The following MUC3A variants were observed in gnomAD, a reference collection of about 807,000 sequenced individuals.
MUC3A encodes the protein mucin-3A.
Under a neutral mutation model 109.0 loss-of-function variants are expected in MUC3A, and 109 were observed. The observed-to-expected ratio is 1.00, with a 90% CI of 0.86 to 1.17. MUC3A has a LOEUF of 1.17. Ranked by LOEUF, MUC3A falls within the 50% of genes most tolerant of loss-of-function variation. The pLI is 0.00. For missense variants in MUC3A, 3,537 were observed against 2,469.4 expected, an observed-to-expected ratio of 1.43 and a Z score of -9.16; for synonymous variants, 1,398 against 981.4, an observed-to-expected ratio of 1.42 and a Z score of -7.93.
At position 100,959,539 on chromosome 7, in the gene MUC3A, C is replaced by T. The variant is rs764577958; in HGVS notation, c.7760C>T (p.Ala2587Val). ...CAGACCCCTCCTGTACTGACGTCAG[C>T]CACTGGGACCCAAACATCTCCTGCA... ...PTQTPPVLTS[A>V]TGTQTSPAPT... The change falls in exon 2 of 12, where the codon GCC becomes GTC. Residue 2587 changes from alanine to valine, a missense_variant. Coordinates refer to ENST00000379458, the MANE Select transcript of MUC3A (RefSeq NM_005960.2). The T allele has an allele frequency of 8.8e-6, 14 of 1,589,732 alleles. No individual in the cohort carries two copies. Among genetic ancestry groups the T allele is most frequent in the African/African-American group, 1.3e-5 (1 of 74,716 alleles).
At chr7:100,961,663 T>TATAAAGACAAAA (rs148961911) in intron 3 of MUC3A, among the ~76,000 whole-genome samples, 1 of 152,006 alleles carries the variant, frequency 6.6e-6, no homozygotes, top group Non-Finnish European at 1.5e-5. Flanking sequence ...CTGTCTCTAC[T>TATAAAGACAAAA]ATTAGTTGGG....
rs1358658218 is a variant in MUC3A at position 100,952,602 on chromosome 7, A to G, written c.823A>G (p.Thr275Ala). Residue 275 changes from threonine to alanine, a missense_variant, in exon 2 of 12, where the codon ACC becomes GCC. Coordinates refer to ENST00000379458, the MANE Select transcript of MUC3A (RefSeq NM_005960.2). ...AAATACAGTGACTTCTATGACAACG[A>G]CCGCCTCCCAGCCCACAGCCACTAA... ...STNTVTSMTT[T>A]ASQPTATNTL... The G allele has an allele frequency of 6.3e-7, 1 of 1,598,460 alleles. No individual in the cohort carries two copies. Among genetic ancestry groups the G allele is most frequent in the Non-Finnish European group, 8.5e-7 (1 of 1,179,760 alleles).
chr7:100,964,615 T>C, intron 5 of MUC3A, 80 bp from the exon 6 acceptor site: 1 of 1,519,732 alleles, frequency 6.6e-7, no homozygotes, highest in East Asian at 2.3e-5. Flanking sequence ...CTGGTGCACT[T>C]TGGGTTGCTT....
In MUC3A at chr7:100,951,854, G is replaced by T. The variant is rs777828823; in HGVS notation, c.75G>T (p.Thr25=). 1.6e-5 allele frequency: 25 copies of T among 1,596,178 alleles called. No individual in the cohort carries two copies. Among genetic ancestry groups the T allele is most frequent in the Admixed American group, 1.3e-4 (8 of 59,966 alleles). ...ASPWATGTLS[T]ATSISQVPFP... The stretch of plus-strand genomic sequence containing the variant: ...CCGCCAATGCAGGAACTTTATCCAC[G>T]GCCACATCCATCTCTCAAGTGCCTT... The change falls in exon 2 of 12, where the codon ACG becomes ACT. Residue 25 remains threonine, a synonymous_variant. Transcript: ENST00000379458.
chr7:100,959,654 A>T lies in MUC3A; in HGVS notation c.7875A>T (p.Ser2625=), dbSNP rs1792246582. Residue 2625 remains serine, a synonymous_variant, in exon 2 of 12, where the codon TCA becomes TCT. Coordinates refer to ENST00000379458, the MANE Select transcript of MUC3A (RefSeq NM_005960.2). ...CAACAGCCTTGAGCACGATCGTGTC[A>T]ACATCACAGGTTCCTATTCCTAGCA... The part of the protein sequence containing the change: ...TPSTALSTIV[S]TSQVPIPSTH... 6.3e-7 allele frequency: 1 copy of T among 1,598,538 alleles called. No individual in the cohort carries two copies. Among genetic ancestry groups the T allele is most frequent in the Non-Finnish European group, 8.5e-7 (1 of 1,179,802 alleles).
chr7:100,958,838 C>G lies in MUC3A; in HGVS notation c.7059C>G (p.His2353Gln), dbSNP rs759977208. 1 of 1,493,334 alleles carries G rather than the reference C, an allele frequency of 6.7e-7. No individual in the cohort carries two copies. Among genetic ancestry groups the G allele is most frequent in the South Asian group, 1.2e-5 (1 of 86,632 alleles). The allele number at this position is 1,493,334 out of a possible 1,614,324, so 92.5% of individuals were successfully genotyped here. A position where few individuals can be genotyped will look rare whatever the true frequency, so the allele number is the denominator to read the frequency against. Residue 2353 changes from histidine to glutamine, a missense_variant, in exon 2 of 12, where the codon CAC becomes CAG. Physicochemically the swap from His to Gln is conservative, Grantham distance 24. Coordinates refer to ENST00000379458, the MANE Select transcript of MUC3A (RefSeq NM_005960.2). ...TCACCACCACCGAGACCAACTCTCA[C>G]AGTACTACCAGCTTCACTTCTTCGA... ...SSITTTETNS[H>Q]STTSFTSSIT...
intron 9 of MUC3A, 40 bp from the exon 10 acceptor site, chr7:100,966,612 G>GCGGGC: frequency 6.3e-7 from 1 of 1,598,040 alleles, no homozygotes. Context: ...GGGGTCCCAG[G>GCGGGC]CGGGCCGGCT....
At chr7:100,963,960 C>A in intron 5 of MUC3A, 4 of 700,786 alleles carry the variant, frequency 5.7e-6, no homozygotes, top group Non-Finnish European at 9.6e-6. Flanking sequence ...CTTCAGCACA[C>A]TGGAAGGAGA....
Position 100,965,346 on chromosome 7 carries a change from A to T in MUC3A, c.9447A>T (p.Ala3149=). The change falls in exon 7 of 12, where the codon GCA becomes GCT. Residue 3149 remains alanine (A), a splice_region_variant and synonymous_variant. Coordinates refer to ENST00000379458, the MANE Select transcript of MUC3A (RefSeq NM_005960.2). ...NNNSKTELTP[A]AICRRAAPTG... ...ACAGCAAGACAGAGCTGACCCCGGCAGGTAAGGGTGGGGTAAAGGGCTGAG... is the reference window on the plus strand; with the variant it reads ...ACAGCAAGACAGAGCTGACCCCGGCTGGTAAGGGTGGGGTAAAGGGCTGAG... 6.3e-7 allele frequency: 1 copy of T among 1,598,060 alleles called. No individual in the cohort carries two copies. Among genetic ancestry groups the T allele is most frequent in the Non-Finnish European group, 8.5e-7 (1 of 1,179,246 alleles).
chr7:100,961,082 C>G (rs1170555669), intron 3 of MUC3A, 145 bp downstream of exon 3: 8 of 1,521,480 alleles, frequency 5.3e-6, no homozygotes, highest in Non-Finnish European at 7.0e-6. Context: ...ATGCCCTCCG[C>G]TGCCCTGTGT....
rs773615680 is a variant in MUC3A at position 100,958,814 on chromosome 7, C to G, written c.7035C>G (p.Ile2345Met). ...SHNTRSFTSS[I>M]TTTETNSHST... is the part of the protein sequence containing the mutation. ...ATACTCGCAGCTTCACTTCTTCGATCACCACCACCGAGACCAACTCTCACA... is the reference window on the plus strand; with the variant it reads ...ATACTCGCAGCTTCACTTCTTCGATGACCACCACCGAGACCAACTCTCACA... Residue 2345 changes from isoleucine (I) to methionine (M), a missense_variant, in exon 2 of 12, where the codon ATC becomes ATG. Ile to Met is a conservative substitution (Grantham distance 10, BLOSUM62 1). Coordinates refer to ENST00000379458, the MANE Select transcript of MUC3A (RefSeq NM_005960.2). 1 of 1,261,814 alleles carries G rather than the reference C, an allele frequency of 7.9e-7. No individual in the cohort carries two copies. The highest frequency in any genetic ancestry group is 1.8e-5 in the South Asian group (1 of 56,074). The allele number at this position is 1,261,814 out of a possible 1,614,324, so 78.2% of individuals were successfully genotyped here.
chr7:100,959,448 A>G lies in MUC3A; in HGVS notation c.7669A>G (p.Ile2557Val). 6.4e-7 allele frequency: 1 copy of G among 1,555,110 alleles called. No homozygotes were observed. Among genetic ancestry groups the G allele is most frequent in the Non-Finnish European group, 8.6e-7 (1 of 1,161,764 alleles). ...TMSTVRMTLRITENTPISSFS... is the reference protein window; with the variant it reads ...TMSTVRMTLRVTENTPISSFS... ...GTCCACTGTGAGAATGACCCTCAGA[A>G]TTACTGAGAACACCCCAATCAGTTC... The change falls in exon 2 of 12, where the codon ATT (isoleucine) becomes GTT (valine). Residue 2557 changes from isoleucine to valine, a missense_variant. Ile to Val is a conservative substitution (Grantham distance 29, BLOSUM62 3). Coordinates refer to ENST00000379458, the MANE Select transcript of MUC3A (RefSeq NM_005960.2).
At chr7:100,964,635 C>T in intron 5 of MUC3A, 60 bp from the exon 6 acceptor site, 3 of 1,547,246 alleles carry the variant, frequency 1.9e-6, no homozygotes, top group East Asian at 4.6e-5. Context: ...TCTGGAGGTG[C>T]CCCTCCAAGG....
At position 100,958,706 on chromosome 7, in the gene MUC3A, T is replaced by G; in HGVS notation, c.6927T>G (p.Ser2309=). Residue 2309 remains serine, a synonymous_variant, in exon 2 of 12, where the codon TCT becomes TCG. Coordinates refer to ENST00000379458, the MANE Select transcript of MUC3A (RefSeq NM_005960.2). ...CACACAGTACTCCCAGCTTCACTTC[T>G]TCGATCACCACCACGGAGACCACCT... ...TTSHSTPSFT[S]SITTTETTSH... 9.2e-6 allele frequency: 14 copies of G among 1,515,280 alleles called. No homozygotes were observed. The highest frequency in any genetic ancestry group is 1.8e-5 in the Admixed American group (1 of 55,980). The allele number at this position is 1,515,280 out of a possible 1,614,324, so 93.9% of individuals were successfully genotyped here. A position where few individuals can be genotyped will look rare whatever the true frequency, so the allele number is the denominator to read the frequency against.
Position 100,961,100 on chromosome 7 carries a change from C to T in MUC3A, c.9052+163C>T, listed in dbSNP as rs935819124. The T allele has an allele frequency of 7.2e-5, 71 of 981,524 alleles. No individual in the cohort carries two copies. In the Middle Eastern group the frequency reaches 1.6e-3, roughly 22 times the overall value. The allele number at this position is 981,524 out of a possible 1,614,324, so 60.8% of individuals were successfully genotyped here. A position where few individuals can be genotyped will look rare whatever the true frequency, so the allele number is the denominator to read the frequency against. Reference sequence around the variant, plus strand: ...CCCTCCGCTGCCCTGTGTCATGCTCCTCTCCGTCCTCACCCTTAGGAGGTG... The same window carrying T: ...CCCTCCGCTGCCCTGTGTCATGCTCTTCTCCGTCCTCACCCTTAGGAGGTG... On this transcript the variant is annotated intron_variant, in intron 3 of 11. Coordinates refer to ENST00000379458, the MANE Select transcript of MUC3A (RefSeq NM_005960.2).
chr7:100,964,104 T>G, intron 5 of MUC3A: 2 of 436,070 alleles, frequency 4.6e-6, no homozygotes, highest in East Asian at 4.5e-5. Flanking sequence ...AGAACGCACG[T>G]CTAGGGGCGC....
At chr7:100,966,064 T>A in intron 8 of MUC3A, 198 bp downstream of exon 8, 2 of 533,014 alleles carry the variant, frequency 3.8e-6, no homozygotes, top group Non-Finnish European at 2.7e-6. Context: ...TGGGGTTGAG[T>A]CCTGTCCCCT....
chr7:100,961,077 C>A, intron 3 of MUC3A, 140 bp downstream of exon 3: 1 of 1,528,700 alleles, frequency 6.5e-7, no homozygotes, highest in Non-Finnish European at 8.7e-7. Flanking sequence ...CTCCCATGCC[C>A]TCCGCTGCCC....
In MUC3A at chr7:100,960,220, C is replaced by A. The variant is rs1392275794; in HGVS notation, c.8441C>A (p.Thr2814Asn). Residue 2814 changes from threonine to asparagine, a missense_variant, in exon 2 of 12, where the codon ACC becomes AAC. Transcript: ENST00000379458. ...TTTCCCTTTACTACCGAAATGGTCA[C>A]CTGTCCTACCTCCATCAGTATCCAA... The part of the protein sequence containing the change: ...TVFPFTTEMV[T>N]CPTSISIQTT... The A allele has an allele frequency of 1.3e-6, 2 of 1,596,538 alleles. No individual in the cohort carries two copies. Among genetic ancestry groups the A allele is most frequent in the Non-Finnish European group, 1.7e-6 (2 of 1,178,336 alleles).
Sources: allele counts gnomAD v4.1 joint callset (sites outside exome capture counted in the v4.1 genomes callset), GRCh38; gene constraint gnomAD v4.1.1; transcripts MANE v1.5; gene names NCBI Gene and HGNC (gene_info 2026-07-23, HGNC 2026-07-21).